Variants in SLC30A10 observed in about 807,000 individuals in gnomAD.
SLC30A10 encodes the protein calcium/manganese antiporter SLC30A10.
In SLC30A10, 8 loss-of-function variants were observed where a neutral mutation model predicts 21.7. The observed-to-expected ratio is 0.37, with a 90% CI of 0.22 to 0.67. The LOEUF (loss-of-function observed/expected upper bound fraction) is 0.67, where lower values mean the gene tolerates loss of function less well. SLC30A10 is among the 30% of genes least tolerant of loss of function. The pLI is 0.58. For missense variants in SLC30A10, 521 were observed against 642.5 expected (o/e 0.81, Z 2.04); for synonymous variants, 272 against 279.4 (o/e 0.97, Z 0.26).
intron 1 of SLC30A10, among the ~76,000 whole-genome samples, chr1:219,941,127 A>G (rs1013705493): frequency 6.6e-6 from 1 of 152,252 alleles, no homozygotes; most frequent in Non-Finnish European, 1.5e-5. Flanking sequence ...GGAGAAGGAG[A>G]ACACAGAAGG....
At chr1:219,941,658 C>G (rs1157873208) in intron 1 of SLC30A10, among the ~76,000 whole-genome samples, 1 of 149,698 alleles carries the variant, frequency 6.7e-6, no homozygotes, top group African/African-American at 2.5e-5. Context: ...CTCTCCCTCC[C>G]TCCTTTCCTT....
intron 2 of SLC30A10, among the ~76,000 whole-genome samples, chr1:219,922,245 T>C (rs1172344310): frequency 2.7e-5 from 3 of 111,190 alleles, no homozygotes; most frequent in East Asian, 6.1e-4. Flanking sequence ...GAGACAGGGG[T>C]TTGCTATGTT....
At chr1:219,925,661 T>A (rs1337914860) in intron 2 of SLC30A10, among the ~76,000 whole-genome samples, 38 of 64,406 alleles carry the variant, frequency 5.9e-4, no homozygotes, top group East Asian at 1.7e-3. Context: ...ATTTTTTTTT[T>A]TTTTTTTTTT....
At chr1:219,925,478 G>A (rs183412623) in intron 2 of SLC30A10, among the ~76,000 whole-genome samples, 1 of 150,978 alleles carries the variant, frequency 6.6e-6, no homozygotes, top group Non-Finnish European at 1.5e-5. Flanking sequence ...AGGTTGCAGT[G>A]AGCAGAGATG....
intron 2 of SLC30A10, among the ~76,000 whole-genome samples, chr1:219,924,807 G>A (rs899185743): frequency 2.0e-5 from 3 of 152,128 alleles, no homozygotes; most frequent in Non-Finnish European, 4.4e-5. Flanking sequence ...CACTTTATAT[G>A]TTTCATTTAT....
At position 219,915,715 on chromosome 1, in the gene SLC30A10, A is replaced by G; in HGVS notation, c.1192T>C (p.Leu398=). The change falls in exon 4 of 4, where the codon TTG becomes CTG. Residue 398 remains leucine (L), a synonymous_variant. Coordinates refer to ENST00000366926, the MANE Select transcript of SLC30A10 (RefSeq NM_018713.3). ...KEPLEQKDLL[L]LCNSPCISKG... ...GAGATGCAGGGTGAGTTGCAGAGCA[A>G]CAGTAAGTCCTTCTGCTCCAGGGGT... is the stretch of plus-strand genomic sequence containing the variant. 1 of 1,614,220 alleles carries G rather than the reference A, an allele frequency of 6.2e-7. No homozygotes were observed. The highest frequency in any genetic ancestry group is 1.1e-5 in the South Asian group (1 of 91,086).
chr1:219,931,221 T>C (rs1050748808), upstream of SLC30A10, among the ~76,000 whole-genome samples: 45 of 152,334 alleles, frequency 3.0e-4, no homozygotes, highest in African/African-American at 9.9e-4. Context: ...TGCCCAATTA[T>C]TTTCCTAACC....
intron 1 of SLC30A10, among the ~76,000 whole-genome samples, chr1:219,937,084 C>T (rs1470232638): frequency 2.6e-5 from 4 of 152,056 alleles, no homozygotes; most frequent in African/African-American, 4.8e-5. Flanking sequence ...CATTATGTTG[C>T]CATTCATAAA....
upstream of SLC30A10, among the ~76,000 whole-genome samples, chr1:219,929,852 C>T (rs576446010): frequency 6.6e-6 from 1 of 152,220 alleles, no homozygotes; most frequent in South Asian, 2.1e-4. Flanking sequence ...AGGCTGTGTT[C>T]CAAATAAAAG....
chr1:219,925,673 T>TTTTTTTG (rs1659804638), intron 2 of SLC30A10, among the ~76,000 whole-genome samples: 1 of 97,928 alleles, frequency 1.0e-5, no homozygotes, highest in Non-Finnish European at 2.1e-5. Context: ...TTTTTTTTTT[T>TTTTTTTG]GAGACAGAAT....
At chr1:219,924,022 C>A (rs1659758986) in intron 2 of SLC30A10, among the ~76,000 whole-genome samples, 1 of 152,194 alleles carries the variant, frequency 6.6e-6, no homozygotes, top group Non-Finnish European at 1.5e-5. Context: ...TACCACGACA[C>A]TGCACTCCAG....
upstream of SLC30A10, among the ~76,000 whole-genome samples, chr1:219,931,252 TCA>T: frequency 6.6e-6 from 1 of 152,308 alleles, no homozygotes; most frequent in African/African-American, 2.4e-5. Flanking sequence ...AAGAATTGTG[TCA>T]CTGCCCCAGG....
intron 2 of SLC30A10, among the ~76,000 whole-genome samples, chr1:219,920,151 C>T (rs1288721654): frequency 6.6e-6 from 1 of 152,098 alleles, no homozygotes; most frequent in Non-Finnish European, 1.5e-5. Context: ...TGAGTGTTTA[C>T]TTATGATAAT....
At chr1:219,927,777 C>G in intron 1 of SLC30A10, 24 bp downstream of exon 1, 1 of 1,520,962 alleles carries the variant, frequency 6.6e-7, no homozygotes, top group South Asian at 1.2e-5. Flanking sequence ...GCCAAGCGGT[C>G]CAAAGGATGC....
At chr1:219,926,932 CA>C in intron 2 of SLC30A10, 95 bp downstream of exon 2, 6 of 958,940 alleles carry the variant, frequency 6.3e-6, no homozygotes, top group Non-Finnish European at 9.8e-6. Context: ...TACTTTCAAA[CA>C]CACCTTTGCC....
upstream of SLC30A10, among the ~76,000 whole-genome samples, chr1:219,929,674 C>T (rs1659936716): frequency 6.6e-6 from 1 of 152,098 alleles, no homozygotes; most frequent in African/African-American, 2.4e-5. Flanking sequence ...GCACCATGCC[C>T]GGCTAATTTT....
intron 1 of SLC30A10, among the ~76,000 whole-genome samples, chr1:219,934,888 G>C (rs887692583): frequency 6.6e-6 from 1 of 152,158 alleles, no homozygotes; most frequent in Non-Finnish European, 1.5e-5. Context: ...CCCCAGAGAC[G>C]CACTCATAGA....
rs761372248 is a variant in SLC30A10 at position 219,918,390 on chromosome 1, A to G, written c.823T>C (p.Trp275Arg). Reference protein sequence around the residue: ...LPLKSEDPCNWQCYIDPSLTV... With the variant: ...LPLKSEDPCNRQCYIDPSLTV... Reference sequence around the variant, plus strand: ...AGGCTGGGGTCAATGTAACACTGCCAGTTACACGGGTCCTCACTCTTCAGG... The same window carrying G: ...AGGCTGGGGTCAATGTAACACTGCCGGTTACACGGGTCCTCACTCTTCAGG... The change falls in exon 3 of 4, where the codon TGG (tryptophan) becomes CGG (arginine). Residue 275 changes from tryptophan (W) to arginine (R), a missense_variant. Transcript: ENST00000366926. This position sits in a 1 kb window ranked among gnomAD's most constrained non-coding sequence, Gnocchi z 4.4. The G allele has an allele frequency of 6.2e-7, 1 of 1,614,116 alleles. No individual in the cohort carries two copies. The highest frequency in any genetic ancestry group is 1.1e-5 in the South Asian group (1 of 91,082).
intron 2 of SLC30A10, among the ~76,000 whole-genome samples, chr1:219,924,401 C>G (rs923711684): frequency 6.6e-6 from 1 of 152,108 alleles, no homozygotes; most frequent in Non-Finnish European, 1.5e-5. Context: ...AGTCGTCAAA[C>G]TCTCCACACC....
Sources: allele counts gnomAD v4.1 joint callset (sites outside exome capture counted in the v4.1 genomes callset), GRCh38; gene constraint gnomAD v4.1.1; non-coding constraint Gnocchi (gnomAD v3.1); transcripts MANE v1.5; gene names NCBI Gene and HGNC (gene_info 2026-07-23, HGNC 2026-07-21).